The following FRYL variants were observed in gnomAD, a reference collection of about 807,000 sequenced individuals.
FRYL encodes protein furry homolog-like.
Under a neutral mutation model 351.2 loss-of-function variants are expected in FRYL, and 150 were observed. The observed-to-expected ratio is 0.43, with a 90% CI of 0.37 to 0.49. The LOEUF (loss-of-function observed/expected upper bound fraction) is 0.49, where lower values mean the gene tolerates loss of function less well. Ranked by LOEUF, FRYL falls within the 20% of genes least tolerant of loss-of-function variation. The pLI is 0.00. For missense variants in FRYL, 3,036 were observed against 3,619.3 expected (o/e 0.84, Z 4.13); for synonymous variants, 1,153 against 1,257.1 (o/e 0.92, Z 1.75).
chr4:48,761,466 C>T (rs1473989343), intron 1 of FRYL, among the ~76,000 whole-genome samples: 1 of 152,128 alleles, frequency 6.6e-6, no homozygotes, highest in African/African-American at 2.4e-5. Flanking sequence ...CTGATATAAA[C>T]AAATCTCTGC....
At chr4:48,665,864 C>G (rs552277162) in intron 3 of FRYL, among the ~76,000 whole-genome samples, 1 of 152,356 alleles carries the variant, frequency 6.6e-6, no homozygotes, top group South Asian at 2.1e-4. Flanking sequence ...ACTGCCAAAA[C>G]TTGCCTTGTT....
chr4:48,700,736 A>T (rs1435071551), intron 2 of FRYL, among the ~76,000 whole-genome samples: 4 of 152,010 alleles, frequency 2.6e-5, no homozygotes, highest in Non-Finnish European at 5.9e-5. Context: ...CAGGAGGTCA[A>T]GGCTGCAGTG....
At chr4:48,674,767 T>C (rs1386884992) in intron 3 of FRYL, among the ~76,000 whole-genome samples, 1 of 134,728 alleles carries the variant, frequency 7.4e-6, no homozygotes, top group Admixed American at 7.6e-5. Flanking sequence ...ATAGCAACAT[T>C]ATACAGCTAT....
intron 4 of FRYL, among the ~76,000 whole-genome samples, chr4:48,629,745 GA>G (rs1202343736): frequency 1.3e-5 from 2 of 152,086 alleles, no homozygotes; most frequent in Non-Finnish European, 2.9e-5. Flanking sequence ...GAGAGTAAAG[GA>G]AAGATAACCC....
intron 7 of FRYL, among the ~76,000 whole-genome samples, chr4:48,611,116 C>T (rs529211599): frequency 3.3e-5 from 5 of 151,912 alleles, no homozygotes; most frequent in Admixed American, 6.6e-5. Flanking sequence ...CCAGGACCCC[C>T]GTGATACCAA....
intron 3 of FRYL, among the ~76,000 whole-genome samples, chr4:48,642,204 A>T: frequency 6.6e-6 from 1 of 152,140 alleles, no homozygotes; most frequent in Admixed American, 6.5e-5. Flanking sequence ...AGAGACAAAT[A>T]TTCCTATGTA....
intron 7 of FRYL, among the ~76,000 whole-genome samples, chr4:48,611,289 A>AT: frequency 1.3e-5 from 2 of 151,848 alleles, no homozygotes; most frequent in East Asian, 3.9e-4. Flanking sequence ...ATTTCCTATT[A>AT]TTTTTTATTA....
intron 34 of FRYL, 32 bp downstream of exon 34, chr4:48,557,421 T>C: frequency 6.2e-7 from 1 of 1,610,390 alleles, no homozygotes; most frequent in South Asian, 1.1e-5. Flanking sequence ...AATAATTCTG[T>C]GCAGCAATTA....
intron 55 of FRYL, among the ~76,000 whole-genome samples, chr4:48,516,729 A>G (rs1054911545): frequency 6.6e-6 from 1 of 152,214 alleles, no homozygotes; most frequent in African/African-American, 2.4e-5. Flanking sequence ...AACTGCAAAT[A>G]GTTTATAATC....
intron 42 of FRYL, 92 bp from the exon 43 acceptor site, chr4:48,544,996 G>C (rs190407488): frequency 7.6e-7 from 1 of 1,312,258 alleles, no homozygotes; most frequent in Non-Finnish European, 1.0e-6. Flanking sequence ...TTTACAATTA[G>C]AAAGGATGGT....
At chr4:48,607,744 T>A (rs984945607) in intron 9 of FRYL, among the ~76,000 whole-genome samples, 20 of 152,190 alleles carry the variant, frequency 1.3e-4, no homozygotes, top group Admixed American at 1.3e-3. Flanking sequence ...CATCTTAGTA[T>A]TGCTCTAAAG....
intron 3 of FRYL, among the ~76,000 whole-genome samples, chr4:48,648,049 C>T (rs556193814): frequency 6.6e-6 from 1 of 152,274 alleles, no homozygotes; most frequent in South Asian, 2.1e-4. Context: ...TTTCCCATCA[C>T]TATGAATGTT....
chr4:48,715,648 T>C (rs1768718923), intron 1 of FRYL, among the ~76,000 whole-genome samples: 1 of 151,910 alleles, frequency 6.6e-6, no homozygotes, highest in Admixed American at 6.6e-5. Flanking sequence ...GGAAGAACAT[T>C]CCATGCTCAT....
At chr4:48,515,574 A>G (rs895951573) in intron 55 of FRYL, among the ~76,000 whole-genome samples, 7 of 151,908 alleles carry the variant, frequency 4.6e-5, no homozygotes, top group African/African-American at 1.7e-4. Context: ...GGGTTTCACC[A>G]TGTTAGCCAG....
intron 1 of FRYL, among the ~76,000 whole-genome samples, chr4:48,730,277 GA>G (rs1770578612): frequency 6.6e-6 from 1 of 152,202 alleles, no homozygotes; most frequent in African/African-American, 2.4e-5. Context: ...ATCTGAAAGT[GA>G]TGGGGAGAAG....
intron 1 of FRYL, among the ~76,000 whole-genome samples, chr4:48,712,252 A>G (rs1389140324): frequency 1.3e-5 from 2 of 152,226 alleles, no homozygotes; most frequent in Non-Finnish European, 2.9e-5. Context: ...AGAAGGCTTC[A>G]GACGATCAAA....
At chr4:48,576,852 C>T (rs1279022920) in intron 23 of FRYL, among the ~76,000 whole-genome samples, 4 of 152,128 alleles carry the variant, frequency 2.6e-5, no homozygotes, top group Non-Finnish European at 4.4e-5. Context: ...ATAAACACTG[C>T]ATATTCTATA....
intron 3 of FRYL, among the ~76,000 whole-genome samples, chr4:48,655,892 ATAATTCTATGTACATTATATATAATGTG>A (rs936286656): frequency 1.5e-5 from 2 of 137,780 alleles, no homozygotes; most frequent in African/African-American, 5.1e-5. Flanking sequence ...TATATAATGT[ATAATTCTATGTACATTATATATAATGTG>A]TAATTCTATG....
intron 3 of FRYL, among the ~76,000 whole-genome samples, chr4:48,652,418 T>C (rs1578535689): frequency 2.6e-5 from 4 of 152,360 alleles, no homozygotes; most frequent in Non-Finnish European, 5.9e-5. Context: ...TATTCTACAT[T>C]ACTGTCTCCC....
Sources: gnomAD v4.1 joint callset for allele counts (sites outside exome capture counted in the v4.1 genomes callset) on GRCh38, gnomAD v4.1.1 for gene constraint, MANE v1.5 for transcripts, NCBI Gene and HGNC (gene_info 2026-07-23, HGNC 2026-07-21) for gene names.